Variants in ARHGAP26 observed in about 807,000 individuals in gnomAD.
The protein encoded by ARHGAP26 is rho GTPase-activating protein 26.
Under a neutral mutation model 104.8 loss-of-function variants are expected in ARHGAP26, and 38 were observed. The observed-to-expected ratio is 0.36, with a 90% CI of 0.28 to 0.48. The LOEUF is 0.48. Among genes scored for constraint, ARHGAP26 ranks in the 20% least tolerant of loss-of-function variants. The pLI is 0.99. For synonymous variants in ARHGAP26, 341 were observed against 340.0 expected, an observed-to-expected ratio of 1.00 and a Z score of -0.03; for missense variants, 704 against 947.9, an observed-to-expected ratio of 0.74 and a Z score of 3.38.
At chr5:143,135,015 A>G (rs1055024671) in intron 19 of ARHGAP26, among the ~76,000 whole-genome samples, 2 of 152,254 alleles carry the variant, frequency 1.3e-5, no homozygotes, top group African/African-American at 2.4e-5. Flanking sequence ...GACTGGGAAT[A>G]TAAGCATGGG....
chr5:143,052,377 G>A (rs1785167727), intron 14 of ARHGAP26, among the ~76,000 whole-genome samples: 1 of 152,142 alleles, frequency 6.6e-6, no homozygotes, highest in South Asian at 2.1e-4. Flanking sequence ...GGCTGAGGCA[G>A]GAGAATCGCT....
At chr5:142,872,702 G>A (rs1370386435) in intron 1 of ARHGAP26, among the ~76,000 whole-genome samples, 1 of 152,212 alleles carries the variant, frequency 6.6e-6, no homozygotes, top group Non-Finnish European at 1.5e-5. Context: ...CGTGTGGCAT[G>A]TGTTTTTACC....
At position 142,961,649 on chromosome 5, in the gene ARHGAP26, T is replaced by C. The variant is rs1373268945; in HGVS notation, c.1107+29524T>C. On this transcript the variant is annotated intron_variant, in intron 11 of 22. Transcript: ENST00000645722. ...ATGAATTTGGCAACTGGGATAAGAA[T>C]GGCTTAATGACTAGCCCTTGTGCAG... 1.7e-4 allele frequency among the ~76,000 whole-genome samples: 26 copies of C among 152,240 alleles called. 1 individual carries two copies. Among genetic ancestry groups the C allele is most frequent in the Admixed American group, 1.6e-3 (25 of 15,286 alleles).
At chr5:143,220,194 TCTG>T (rs1810956191) in intron 22 of ARHGAP26, among the ~76,000 whole-genome samples, 2 of 152,184 alleles carry the variant, frequency 1.3e-5, no homozygotes, top group African/African-American at 4.8e-5. Context: ...GTTTTGTCAG[TCTG>T]GCTGCTTTAT....
At chr5:143,058,382 C>G (rs1481934649) in intron 17 of ARHGAP26, among the ~76,000 whole-genome samples, 1 of 152,224 alleles carries the variant, frequency 6.6e-6, no homozygotes, top group African/African-American at 2.4e-5. Context: ...ATAATCAAAG[C>G]ATTCAGTAGG....
intron 17 of ARHGAP26, among the ~76,000 whole-genome samples, chr5:143,085,599 G>A (rs1790485090): frequency 1.3e-5 from 2 of 152,190 alleles, no homozygotes; most frequent in African/African-American, 4.8e-5. Flanking sequence ...TTTATAACTA[G>A]GCAGGCAACA....
At chr5:143,106,771 C>A (rs767957423) in intron 17 of ARHGAP26, among the ~76,000 whole-genome samples, 1 of 152,170 alleles carries the variant, frequency 6.6e-6, no homozygotes, top group African/African-American at 2.4e-5. Flanking sequence ...CTGCACCCAG[C>A]CTGGGCTTCA....
At chr5:142,849,241 T>C (rs1181219352) in intron 1 of ARHGAP26, among the ~76,000 whole-genome samples, 1 of 152,194 alleles carries the variant, frequency 6.6e-6, no homozygotes, top group Non-Finnish European at 1.5e-5. Context: ...TAGGTTTTCA[T>C]TGTGAAGTAG....
chr5:143,093,646 C>G (rs1235508993), intron 17 of ARHGAP26, among the ~76,000 whole-genome samples: 1 of 151,854 alleles, frequency 6.6e-6, no homozygotes, highest in Non-Finnish European at 1.5e-5. Context: ...GCCTCTTTCT[C>G]TCTTTCTTTC....
chr5:142,952,063 T>C (rs1768469281), intron 11 of ARHGAP26, among the ~76,000 whole-genome samples: 1 of 152,222 alleles, frequency 6.6e-6, no homozygotes, highest in Non-Finnish European at 1.5e-5. Context: ...TGACCACTTC[T>C]CTTTCGCTGC....
chr5:143,182,594 C>T (rs535342148), intron 20 of ARHGAP26, among the ~76,000 whole-genome samples: 40 of 152,314 alleles, frequency 2.6e-4, no homozygotes, highest in African/African-American at 9.4e-4. Flanking sequence ...TACCCAAACC[C>T]TGTCATTAAC....
intron 20 of ARHGAP26, chr5:143,169,658 G>T (rs1371312391): frequency 6.6e-6 from 1 of 152,260 alleles, no homozygotes; most frequent in Non-Finnish European, 1.5e-5. Flanking sequence ...AGCCTCTGTG[G>T]GGCTGGGCCT....
intron 14 of ARHGAP26, among the ~76,000 whole-genome samples, chr5:143,046,159 G>C (rs2150183145): frequency 1.3e-5 from 2 of 151,578 alleles, no homozygotes; most frequent in Middle Eastern, 3.5e-3. Flanking sequence ...ACAAAAATTA[G>C]CCGGGTGTGG....
chr5:143,181,185 T>G (rs1309824221), intron 20 of ARHGAP26, among the ~76,000 whole-genome samples: 1 of 152,234 alleles, frequency 6.6e-6, no homozygotes, highest in Non-Finnish European at 1.5e-5. Flanking sequence ...CCATGCAAGC[T>G]TGAACACAGC....
At chr5:142,987,355 G>C (rs1045312641) in intron 11 of ARHGAP26, among the ~76,000 whole-genome samples, 1 of 152,220 alleles carries the variant, frequency 6.6e-6, no homozygotes, top group Non-Finnish European at 1.5e-5. Flanking sequence ...TGTATCCTGA[G>C]ACTTTGCTGA....
chr5:143,226,620 A>G lies in ARHGAP26; in HGVS notation c.*4174A>G. On this transcript the variant is annotated 3_prime_UTR_variant, in exon 23 of 23. Coordinates refer to ENST00000645722, the MANE Select transcript of ARHGAP26 (RefSeq NM_001135608.3). ...CTCCTGTTTTTCAAAATAAACATATATAGGGATGGACCCTGTGCATTGTGG... is the reference window on the plus strand; with the variant it reads ...CTCCTGTTTTTCAAAATAAACATATGTAGGGATGGACCCTGTGCATTGTGG... 4.6e-6 allele frequency: 1 copy of G among 215,378 alleles called. No homozygotes were observed. 13.3% of individuals were successfully genotyped at this position (215,378 alleles called of 1,614,324 possible). A position where few individuals can be genotyped will look rare whatever the true frequency, so the allele number is the denominator to read the frequency against.
At chr5:142,895,530 A>G (rs1759355113) in intron 6 of ARHGAP26, among the ~76,000 whole-genome samples, 2 of 152,134 alleles carry the variant, frequency 1.3e-5, no homozygotes, top group African/African-American at 4.8e-5. Context: ...ACGCCCGACC[A>G]AGAAAGGAGA....
chr5:143,134,540 G>C (rs1341852224), intron 19 of ARHGAP26, among the ~76,000 whole-genome samples: 1 of 152,152 alleles, frequency 6.6e-6, no homozygotes, highest in Non-Finnish European at 1.5e-5. Flanking sequence ...GTGGGACCTT[G>C]TACGGCTTGA....
In ARHGAP26 at chr5:143,184,495, A is replaced by G. The variant is rs1357735229; in HGVS notation, c.1989-22703A>G. ...GTGTGTGTGCAGCATGTGTGTATCT[A>G]CTATATAAAAGCTCATTCATTCCCT... On this transcript the variant is annotated intron_variant, in intron 20 of 22. Coordinates refer to ENST00000645722, the MANE Select transcript of ARHGAP26 (RefSeq NM_001135608.3). 3.3e-5 allele frequency among the ~76,000 whole-genome samples: 5 copies of G among 152,238 alleles called. 1 individual carries two copies. The highest frequency in any genetic ancestry group is 6.8e-3 in the Middle Eastern group (2 of 294).
Sources: gnomAD v4.1 joint callset for allele counts (sites outside exome capture counted in the v4.1 genomes callset) on GRCh38, gnomAD v4.1.1 for gene constraint, MANE v1.5 for transcripts, NCBI Gene and HGNC (gene_info 2026-07-23, HGNC 2026-07-21) for gene names.